Variants in PTBP3 observed in about 807,000 individuals in gnomAD.
PTBP3 encodes polypyrimidine tract-binding protein 3.
A neutral mutation model predicts 58.7 loss-of-function variants in PTBP3; 20 were observed. That is an observed-to-expected ratio of 0.34 (90% CI 0.24 to 0.50). The LOEUF is 0.50. Among genes scored for constraint, PTBP3 ranks in the 20% least tolerant of loss-of-function variants. The probability of loss-of-function intolerance (pLI) is 0.98; values close to 1 mark genes in which losing one functional copy is unlikely to be tolerated. For synonymous variants in PTBP3, 185 were observed against 219.8 expected (o/e 0.84, Z 1.40); for missense variants, 509 against 637.2 (o/e 0.80, Z 2.17).
chr9:112,359,424 C>A, the PTBP3 span, among the ~76,000 whole-genome samples: 1 of 151,682 alleles, frequency 6.6e-6, no homozygotes, highest in African/African-American at 2.4e-5. Flanking sequence ...CCAGCCTGAG[C>A]GACAGAGCAA....
chr9:112,228,336 G>A lies in PTBP3; in HGVS notation c.1147+44C>T, dbSNP rs1270292303. The A allele has an allele frequency of 2.9e-6, 4 of 1,400,424 alleles. No homozygotes were observed. In the South Asian group the frequency reaches 5.5e-5, roughly 19 times the overall value. 86.7% of individuals were successfully genotyped at this position (1,400,424 alleles called of 1,614,324 possible). A position where few individuals can be genotyped will look rare whatever the true frequency, so the allele number is the denominator to read the frequency against. On this transcript the variant is annotated intron_variant, in intron 11 of 13. Coordinates refer to ENST00000374257, the MANE Select transcript of PTBP3 (RefSeq NM_001163788.4). ...TTTGAAGGAAAATTCACACACAAAA[G>A]GGGCAAGTTCACATTATTATTAATA...
intron 5 of PTBP3, among the ~76,000 whole-genome samples, chr9:112,255,578 A>T (rs905776232): frequency 6.6e-6 from 1 of 152,162 alleles, no homozygotes; most frequent in Non-Finnish European, 1.5e-5. Flanking sequence ...AAGGCAGATT[A>T]TATTTTCCCG....
Position 112,331,978 on chromosome 9 carries a change from A to C in PTBP3, c.-52+1492T>G, listed in dbSNP as rs1830394950. Among the ~76,000 whole-genome samples the C allele has an allele frequency of 2.0e-5, 3 of 152,228 alleles. No homozygotes were observed. The South Asian group carries it at 6.2e-4, about 31-fold the overall frequency. ...ATTAACTACACATAATGAAATGCTAAATTCACAGCCTGCCTGAACCAAAAT... is the reference window on the plus strand; with the variant it reads ...ATTAACTACACATAATGAAATGCTACATTCACAGCCTGCCTGAACCAAAAT... On this transcript the variant is annotated intron_variant, in intron 1 of 13. Coordinates refer to ENST00000374257, the MANE Select transcript of PTBP3 (RefSeq NM_001163788.4).
chr9:112,366,309 G>C, the PTBP3 span, among the ~76,000 whole-genome samples: 3 of 151,800 alleles, frequency 2.0e-5, no homozygotes, highest in African/African-American at 7.3e-5. Flanking sequence ...TAAGTAATGA[G>C]GAGCTGAATG....
intron 1 of PTBP3, among the ~76,000 whole-genome samples, chr9:112,305,034 A>G (rs533854149): frequency 1.1e-4 from 16 of 152,338 alleles, no homozygotes; most frequent in African/African-American, 3.8e-4. Context: ...AGCAAAATGT[A>G]GGGTAACTTC....
intron 7 of PTBP3, among the ~76,000 whole-genome samples, chr9:112,239,023 A>G (rs1835540626): frequency 6.6e-6 from 1 of 152,196 alleles, no homozygotes; most frequent in Non-Finnish European, 1.5e-5. Context: ...CAAAACAATA[A>G]TAACAAATTG....
chr9:112,333,366 C>T, intron 1 of PTBP3, 104 bp downstream of exon 1: 1 of 1,287,824 alleles, frequency 7.8e-7, no homozygotes. Flanking sequence ...CCTCCGGCCG[C>T]CGGCGCCGCG....
chr9:112,308,921 A>G (rs1205656492), intron 1 of PTBP3, among the ~76,000 whole-genome samples: 4 of 152,184 alleles, frequency 2.6e-5, no homozygotes, highest in Non-Finnish European at 4.4e-5. Context: ...TGCATAATTC[A>G]CGGGGCTAAC....
chr9:112,279,305 G>A (rs947228057), intron 2 of PTBP3, among the ~76,000 whole-genome samples: 5 of 152,058 alleles, frequency 3.3e-5, no homozygotes, highest in Non-Finnish European at 7.4e-5. Context: ...TGTATAAATC[G>A]TGTTGTATTT....
At chr9:112,290,687 A>AAAT (rs1554799394) in intron 2 of PTBP3, among the ~76,000 whole-genome samples, 1 of 85,010 alleles carries the variant, frequency 1.2e-5, no homozygotes, top group Non-Finnish European at 2.2e-5. Context: ...AAAAAAAAAA[A>AAAT]ATATATATAT....
intron 2 of PTBP3, among the ~76,000 whole-genome samples, chr9:112,294,863 T>C (rs916471541): frequency 6.6e-6 from 1 of 152,056 alleles, no homozygotes; most frequent in African/African-American, 2.4e-5. Context: ...CAGCTAAAAA[T>C]GAAAACAGGA....
chr9:112,330,149 C>T (rs1388250657), intron 1 of PTBP3, among the ~76,000 whole-genome samples: 3 of 152,038 alleles, frequency 2.0e-5, no homozygotes, highest in African/African-American at 7.3e-5. Flanking sequence ...CCACCGCACC[C>T]GGCCTAAGCC....
At chr9:112,319,268 T>A (rs140478321) in intron 1 of PTBP3, among the ~76,000 whole-genome samples, 1 of 151,538 alleles carries the variant, frequency 6.6e-6, no homozygotes, top group Non-Finnish European at 1.5e-5. Flanking sequence ...CCAGGAGCAG[T>A]AGCCCACACC....
chr9:112,324,831 C>G (rs1564465117), intron 1 of PTBP3, among the ~76,000 whole-genome samples: 1 of 152,058 alleles, frequency 6.6e-6, no homozygotes, highest in Non-Finnish European at 1.5e-5. Context: ...TAAAAACTGA[C>G]AACACCCAGC....
chr9:112,258,181 T>A (rs1227001850), intron 5 of PTBP3, among the ~76,000 whole-genome samples: 1 of 152,208 alleles, frequency 6.6e-6, no homozygotes. Flanking sequence ...ATTTATCTAT[T>A]GGACACTCAA....
chr9:112,250,115 A>T (rs1295704213), intron 7 of PTBP3, among the ~76,000 whole-genome samples: 1 of 151,658 alleles, frequency 6.6e-6, no homozygotes, highest in Non-Finnish European at 1.5e-5. Context: ...TTATAATTTG[A>T]TTGTCTTAAT....
the PTBP3 span, among the ~76,000 whole-genome samples, chr9:112,376,835 G>A: frequency 2.0e-5 from 3 of 152,068 alleles, no homozygotes; most frequent in Non-Finnish European, 4.4e-5. Context: ...AAATGTTAAT[G>A]TCCTTTGGCA....
At chr9:112,294,587 C>T (rs1828586977) in intron 2 of PTBP3, among the ~76,000 whole-genome samples, 1 of 152,152 alleles carries the variant, frequency 6.6e-6, no homozygotes, top group Non-Finnish European at 1.5e-5. Context: ...AAAGCCACCT[C>T]CATTGCAATT....
the PTBP3 span, among the ~76,000 whole-genome samples, chr9:112,363,806 T>G: frequency 6.6e-6 from 1 of 152,192 alleles, no homozygotes. Flanking sequence ...ACAGCCCCAG[T>G]TGGTATGGTA....
Sources: gnomAD v4.1 joint callset for allele counts (sites outside exome capture counted in the v4.1 genomes callset) on GRCh38, gnomAD v4.1.1 for gene constraint, MANE v1.5 for transcripts, NCBI Gene and HGNC (gene_info 2026-07-23, HGNC 2026-07-21) for gene names.